Variants in LRRC37A2 observed in about 807,000 individuals in gnomAD.
The protein encoded by LRRC37A2 is leucine-rich repeat-containing protein 37A2.
A neutral mutation model predicts 68.8 loss-of-function variants in LRRC37A2; 9 were observed. The observed-to-expected ratio is 0.13, with a 90% CI of 0.08 to 0.23. The LOEUF (loss-of-function observed/expected upper bound fraction) is 0.23, where lower values mean the gene tolerates loss of function less well. Among genes scored for constraint, LRRC37A2 ranks in the 10% least tolerant of loss-of-function variants. The pLI is 1.00. For missense variants in LRRC37A2, 168 were observed against 950.4 expected (o/e 0.18, Z 10.82); for synonymous variants, 63 against 367.6 (o/e 0.17, Z 9.48).
the LRRC37A2 span, chr17:46,876,475 G>A: frequency 6.2e-7 from 1 of 1,613,676 alleles, no homozygotes; most frequent in South Asian, 1.1e-5. Context: ...TGGCCCCAAG[G>A]TCTGGGGACC....
chr17:46,967,404 T>C, the LRRC37A2 span, among the ~76,000 whole-genome samples: 1 of 152,356 alleles, frequency 6.6e-6, no homozygotes, highest in South Asian at 2.1e-4. Context: ...TTAGCTGTCA[T>C]TACCAAGATA....
At chr17:46,942,949 C>T in the LRRC37A2 span, among the ~76,000 whole-genome samples, 1 of 152,198 alleles carries the variant, frequency 6.6e-6, no homozygotes. Context: ...CCATGTCCCT[C>T]TAGTACAGGG....
the LRRC37A2 span, among the ~76,000 whole-genome samples, chr17:46,808,319 A>G: frequency 6.6e-6 from 1 of 152,214 alleles, no homozygotes; most frequent in African/African-American, 2.4e-5. Flanking sequence ...ATCCCCAAAT[A>G]AGAGACTTCC....
the LRRC37A2 span, among the ~76,000 whole-genome samples, chr17:46,959,678 G>A: frequency 6.6e-6 from 1 of 152,178 alleles, no homozygotes; most frequent in East Asian, 1.9e-4. Flanking sequence ...ATTATGGTGG[G>A]AAAGGATTAA....
the LRRC37A2 span, among the ~76,000 whole-genome samples, chr17:46,785,500 C>G: frequency 6.6e-6 from 1 of 152,238 alleles, no homozygotes; most frequent in East Asian, 1.9e-4. Flanking sequence ...CCCCCGAGGA[C>G]AGGCCCCAGG....
chr17:46,723,135 A>G, the LRRC37A2 span, among the ~76,000 whole-genome samples: 3 of 152,214 alleles, frequency 2.0e-5, no homozygotes, highest in African/African-American at 7.2e-5. Flanking sequence ...AGACCTAAGC[A>G]ATGTCCTGAG....
the LRRC37A2 span, chr17:46,818,894 C>A: frequency 2.0e-6 from 1 of 499,768 alleles, no homozygotes; most frequent in Non-Finnish European, 3.6e-6. Flanking sequence ...AAGGGCATCG[C>A]CCAGCAAACT....
At chr17:46,910,261 G>T in the LRRC37A2 span, 1 of 152,210 alleles carries the variant, frequency 6.6e-6, no homozygotes, top group Non-Finnish European at 1.5e-5. Flanking sequence ...CATGGGTCGG[G>T]ATGATACAGG....
chr17:47,017,272 G>T, the LRRC37A2 span: 797,125 of 1,607,232 alleles, frequency 0.5, 201,252 homozygotes, highest in South Asian at 0.52. Flanking sequence ...CTCCTTATGT[G>T]GCAACTATTG....
chr17:46,925,936 G>T, the LRRC37A2 span, among the ~76,000 whole-genome samples: 2 of 152,140 alleles, frequency 1.3e-5, no homozygotes, highest in Non-Finnish European at 2.9e-5. Context: ...TAATAGCCAG[G>T]CTTCTATTTT....
chr17:46,954,385 A>G, the LRRC37A2 span, among the ~76,000 whole-genome samples: 2 of 152,106 alleles, frequency 1.3e-5, no homozygotes, highest in African/African-American at 4.8e-5. Flanking sequence ...GTTCTGTTCC[A>G]TTGGTCTATA....
chr17:46,983,215 T>A, the LRRC37A2 span, among the ~76,000 whole-genome samples: 1 of 151,996 alleles, frequency 6.6e-6, no homozygotes, highest in Non-Finnish European at 1.5e-5. Context: ...ACCATCCACG[T>A]CAGGAGCAGG....
the LRRC37A2 span, among the ~76,000 whole-genome samples, chr17:46,839,534 A>G: frequency 1.1e-4 from 17 of 152,078 alleles, no homozygotes; most frequent in African/African-American, 3.1e-4. Context: ...ATATATATAT[A>G]TATGTTTTTT....
At chr17:46,961,037 AAAC>A in the LRRC37A2 span, among the ~76,000 whole-genome samples, 2 of 152,312 alleles carry the variant, frequency 1.3e-5, no homozygotes, top group Non-Finnish European at 2.9e-5. Context: ...AGTTTAAAAA[AAAC>A]AAGGTGGGAA....
the LRRC37A2 span, among the ~76,000 whole-genome samples, chr17:46,896,061 G>C: frequency 6.6e-6 from 1 of 151,990 alleles, no homozygotes; most frequent in Admixed American, 6.6e-5. Flanking sequence ...GGCAGATCAT[G>C]AGGTCAGGAG....
chr17:46,745,610 A>G, the LRRC37A2 span, among the ~76,000 whole-genome samples: 7 of 152,200 alleles, frequency 4.6e-5, no homozygotes, highest in African/African-American at 1.7e-4. Context: ...CCACTGTTCT[A>G]GGGCCAACAT....
chr17:46,631,082 A>ACACACACACACACACGCACACG, the LRRC37A2 span, among the ~76,000 whole-genome samples: 2 of 142,172 alleles, frequency 1.4e-5, no homozygotes, highest in East Asian at 4.4e-4. Context: ...ACACACACAC[A>ACACACACACACACACGCACACG]CACACACACA....
chr17:46,782,201 A>G, the LRRC37A2 span, among the ~76,000 whole-genome samples: 1 of 152,106 alleles, frequency 6.6e-6, no homozygotes, highest in Non-Finnish European at 1.5e-5. Context: ...AAATCTAACC[A>G]TCTGTGCCAG....
At chr17:46,957,654 G>A in the LRRC37A2 span, among the ~76,000 whole-genome samples, 2 of 152,132 alleles carry the variant, frequency 1.3e-5, no homozygotes, top group South Asian at 4.1e-4. Flanking sequence ...CAGACAGCAG[G>A]AAGCCCAGGT....
Sources: gnomAD v4.1 joint callset for allele counts (sites outside exome capture counted in the v4.1 genomes callset) on GRCh38, gnomAD v4.1.1 for gene constraint, MANE v1.5 for transcripts, NCBI Gene and HGNC (gene_info 2026-07-23, HGNC 2026-07-21) for gene names.